EPHB2: variants seen among roughly 807,000 people sequenced by gnomAD.
EPHB2 encodes ephrin type-B receptor 2.
EPHB2 carries 18 observed loss-of-function variants against 96.4 expected under a neutral mutation model. That is an observed-to-expected ratio of 0.19 (90% CI 0.13 to 0.28). The LOEUF (loss-of-function observed/expected upper bound fraction) is 0.28. EPHB2 is among the 10% of genes least tolerant of loss of function. The probability of loss-of-function intolerance (pLI) is 1.00; values close to 1 mark genes in which losing one functional copy is unlikely to be tolerated. For missense variants in EPHB2, 989 were observed against 1,355.4 expected, an observed-to-expected ratio of 0.73 and a Z score of 4.25; for synonymous variants, 506 against 534.1, an observed-to-expected ratio of 0.95 and a Z score of 0.72.
Position 22,784,922 on chromosome 1 carries a change from G to A in EPHB2, c.657G>A (p.Leu219=), listed in dbSNP as rs1371869. Residue 219 remains leucine, a synonymous_variant, in exon 3 of 16, where the codon CTG becomes CTA. Coordinates refer to ENST00000374630, the MANE Select transcript of EPHB2 (RefSeq NM_017449.5). This position sits in a 1 kb window ranked among gnomAD's most constrained non-coding sequence, Gnocchi z 5.1. ...TGTCGGGGGCTGAGAGCACATCGCT[G>A]GTGGCTGCCCGGGGCAGCTGCATCG... ...ETLSGAESTS[L]VAARGSCIAN... is the part of the protein sequence containing the mutation. The A allele has an allele frequency of 4.0e-4, 641 of 1,614,006 alleles. 3 individuals carry two copies. The African/African-American group carries it at 7.6e-3, about 19-fold the overall frequency.
chr1:22,804,334 C>T (rs1201147425), intron 3 of EPHB2, among the ~76,000 whole-genome samples: 3 of 152,086 alleles, frequency 2.0e-5, no homozygotes, highest in African/African-American at 7.3e-5. Context: ...TCTTCCTTAC[C>T]TAGTGCCTTT....
At chr1:22,859,742 G>A (rs915063422) in intron 3 of EPHB2, among the ~76,000 whole-genome samples, 5 of 151,930 alleles carry the variant, frequency 3.3e-5, no homozygotes, top group South Asian at 4.2e-4. Context: ...GCAGTGAGCC[G>A]AGATTGTGCC....
At chr1:22,793,384 G>A (rs1304403643) in intron 3 of EPHB2, among the ~76,000 whole-genome samples, 1 of 152,204 alleles carries the variant, frequency 6.6e-6, no homozygotes, top group Non-Finnish European at 1.5e-5. Flanking sequence ...GGGTGCTTAG[G>A]AGGGAATGGG....
At chr1:22,717,973 G>A (rs1643336711) in intron 1 of EPHB2, among the ~76,000 whole-genome samples, 1 of 152,186 alleles carries the variant, frequency 6.6e-6, no homozygotes, top group African/African-American at 2.4e-5. Flanking sequence ...AGCAATGGAT[G>A]TGTTAATCTG....
intron 3 of EPHB2, among the ~76,000 whole-genome samples, chr1:22,831,881 A>C (rs529634338): frequency 6.6e-6 from 1 of 152,094 alleles, no homozygotes; most frequent in East Asian, 1.9e-4. Context: ...AGAGGGAGCT[A>C]TCCACCCCCC....
intron 1 of EPHB2, among the ~76,000 whole-genome samples, chr1:22,743,126 A>C (rs1485419203): frequency 6.6e-6 from 1 of 152,036 alleles, no homozygotes; most frequent in Non-Finnish European, 1.5e-5. Flanking sequence ...TCCTGGGCTC[A>C]AACGGTCCTT....
At chr1:22,753,456 G>T (rs1465765432) in intron 1 of EPHB2, among the ~76,000 whole-genome samples, 1 of 152,138 alleles carries the variant, frequency 6.6e-6, no homozygotes, top group Non-Finnish European at 1.5e-5. Flanking sequence ...AGGTGGCTTT[G>T]GTGGATATCC....
chr1:22,717,135 G>C (rs982536894), intron 1 of EPHB2, among the ~76,000 whole-genome samples: 1 of 152,232 alleles, frequency 6.6e-6, no homozygotes, highest in African/African-American at 2.4e-5. Flanking sequence ...AAATCAATCA[G>C]AGTTAGCGCC....
intron 1 of EPHB2, among the ~76,000 whole-genome samples, chr1:22,763,222 C>T (rs1339789788): frequency 6.6e-6 from 1 of 152,206 alleles, no homozygotes; most frequent in African/African-American, 2.4e-5. Context: ...CTTCACTTCT[C>T]TGGGCCTCAA....
chr1:22,830,522 C>T (rs2148485428), intron 3 of EPHB2, among the ~76,000 whole-genome samples: 1 of 152,340 alleles, frequency 6.6e-6, no homozygotes, highest in East Asian at 1.9e-4. Context: ...CACCAGGAGG[C>T]AAGGGATACC....
In EPHB2 at chr1:22,846,574, G is replaced by C. The variant is rs1645546579; in HGVS notation, c.812-16463G>C. Among the ~76,000 whole-genome samples, 1 of 152,186 alleles carries C rather than the reference G, an allele frequency of 6.6e-6. No individual in the cohort carries two copies. The highest frequency in any genetic ancestry group is 2.1e-4 in the South Asian group (1 of 4,826). On this transcript the variant is annotated intron_variant, in intron 3 of 15. Coordinates refer to ENST00000374630, the MANE Select transcript of EPHB2 (RefSeq NM_017449.5). The surrounding 1 kb of genome is among the most constrained non-coding windows in gnomAD (Gnocchi z 4.3). ...AGAGGTTGGCACGCACCTGTTGCTG[G>C]GTAGGCGGCTTGTTGCCTCTCCAGC...
rs548823176 is a variant in EPHB2 at position 22,880,373 on chromosome 1, A to C, written c.1304-1986A>C. Among the ~76,000 whole-genome samples the C allele has an allele frequency of 2.0e-5, 3 of 152,326 alleles. No individual in the cohort carries two copies. In the East Asian group the frequency reaches 5.8e-4, roughly 29 times the overall value. ...CAGAGCAGGACTTGGGGCTAGGAGA[A>C]GTGTCAGCCTCCACTTTCCAGTGTC... On this transcript the variant is annotated intron_variant, in intron 5 of 15. Coordinates refer to ENST00000374630, the MANE Select transcript of EPHB2 (RefSeq NM_017449.5).
chr1:22,879,270 G>A (rs1170953323), intron 5 of EPHB2, among the ~76,000 whole-genome samples: 2 of 152,240 alleles, frequency 1.3e-5, no homozygotes, highest in Non-Finnish European at 1.5e-5. Flanking sequence ...GAGAAGCTGT[G>A]GGGAGGCATG....
chr1:22,899,427 G>A (rs968230788), intron 9 of EPHB2, among the ~76,000 whole-genome samples: 11 of 151,806 alleles, frequency 7.2e-5, no homozygotes, highest in Admixed American at 3.3e-4. Flanking sequence ...CTTGAACCCG[G>A]GAGGTGAAGG....
intron 1 of EPHB2, among the ~76,000 whole-genome samples, chr1:22,754,072 G>A (rs186905314): frequency 4.7e-4 from 72 of 152,232 alleles, no homozygotes; most frequent in African/African-American, 1.7e-3. Flanking sequence ...CCAAATCCTG[G>A]GCCTGAGTGT....
rs148526926 is a variant in EPHB2, at chr1:22,741,199, C to G, written c.61+30156C>G. ...CCCGACCCCTATCCTCTGATTCTAT[C>G]TAAGTGCCTAATCTTTCCCAGCGGC... On this transcript the variant is annotated intron_variant, in intron 1 of 15. Transcript: ENST00000374630. Among the ~76,000 whole-genome samples, 1,510 of 152,194 alleles carry G rather than the reference C, an allele frequency of 9.9e-3. 15 individuals are homozygous for G. The highest frequency in any genetic ancestry group is 0.017 in the Non-Finnish European group (1,126 of 68,010).
intron 1 of EPHB2, among the ~76,000 whole-genome samples, chr1:22,765,314 A>G (rs1644292548): frequency 6.6e-6 from 1 of 152,100 alleles, no homozygotes; most frequent in Non-Finnish European, 1.5e-5. Flanking sequence ...TAGGGGGCTG[A>G]GACGGAAGGA....
Position 22,915,174 on chromosome 1 carries a change from C to G in EPHB2, c.*1604C>G, listed in dbSNP as rs1640234496. Reference sequence around the variant, plus strand: ...TGATTTCTCTCCCACCTCCTTCCCCCCACCAGACCTTTGCTGGGCCTAAAG... The same window carrying G: ...TGATTTCTCTCCCACCTCCTTCCCCGCACCAGACCTTTGCTGGGCCTAAAG... On this transcript the variant is annotated 3_prime_UTR_variant, in exon 16 of 16. Transcript: ENST00000374630. 6.6e-6 allele frequency: 1 copy of G among 152,394 alleles called. No homozygotes were observed. The highest frequency in any genetic ancestry group is 1.5e-5 in the Non-Finnish European group (1 of 68,044). The allele number at this position is 152,394 out of a possible 1,614,324, so 9.4% of individuals were successfully genotyped here.
intron 1 of EPHB2, among the ~76,000 whole-genome samples, chr1:22,776,280 T>C (rs1440931351): frequency 6.6e-6 from 1 of 152,130 alleles, no homozygotes. Context: ...CACTCCCCAC[T>C]CACCCAGTCT....
Sources: allele counts gnomAD v4.1 joint callset (sites outside exome capture counted in the v4.1 genomes callset), GRCh38; gene constraint gnomAD v4.1.1; non-coding constraint Gnocchi (gnomAD v3.1); transcripts MANE v1.5; gene names NCBI Gene and HGNC (gene_info 2026-07-23, HGNC 2026-07-21).